Variants in PRSS55 observed in about 807,000 individuals in gnomAD.
The protein encoded by PRSS55 is probable serine protease UNQ9391/PRO34284.
PRSS55 carries 41 observed loss-of-function variants against 23.6 expected under a neutral mutation model. The observed-to-expected ratio is 1.74, with a 90% CI of 1.35 to 2.26. PRSS55 has a LOEUF of 2.26. Among genes scored for constraint, PRSS55 ranks in the 30% most tolerant of loss-of-function variants. The probability of loss-of-function intolerance (pLI) is 0.00; values close to 1 mark genes in which losing one functional copy is unlikely to be tolerated. For missense variants in PRSS55, 669 were observed against 439.1 expected (o/e 1.52, Z -4.68); for synonymous variants, 262 against 175.5 (o/e 1.49, Z -3.90).
chr8:10,529,779 G>A, intron 2 of PRSS55, 80 bp downstream of exon 2: 1 of 1,397,172 alleles, frequency 7.2e-7, no homozygotes, highest in East Asian at 2.3e-5. Context: ...ACACCTGGTG[G>A]CTGAGAGGAA....
downstream of PRSS55, among the ~76,000 whole-genome samples, chr8:10,543,295 G>A (rs1296370833): frequency 4.6e-5 from 7 of 152,108 alleles, no homozygotes; most frequent in South Asian, 4.1e-4. Flanking sequence ...GGCCCCATGC[G>A]GAAGTGACTG....
chr8:10,541,795 G>A (rs924151444), downstream of PRSS55, among the ~76,000 whole-genome samples: 2 of 152,126 alleles, frequency 1.3e-5, no homozygotes, highest in Non-Finnish European at 2.9e-5. Context: ...GCCTCACTCT[G>A]TCGCCCAGGC....
At chr8:10,537,619 GAA>G (rs1240543661) in intron 4 of PRSS55, among the ~76,000 whole-genome samples, 8 of 152,152 alleles carry the variant, frequency 5.3e-5, no homozygotes, top group Non-Finnish European at 8.8e-5. Context: ...TTAATACAAA[GAA>G]ATGATAAACG....
chr8:10,532,916 C>G lies in PRSS55; in HGVS notation c.609C>G (p.Asn203Lys), dbSNP rs1313573572. The change falls in exon 4 of 5, where the codon AAC (asparagine) becomes AAG (lysine). Residue 203 changes from asparagine (N) to lysine (K), a missense_variant. By Grantham distance (94) the Asn-to-Lys change is moderately conservative. Transcript: ENST00000328655. Reference sequence around the variant, plus strand: ...TTCTCTCTGGGCCAGCTGACAAAAACTCTGTGAAAACGGATCTGATGAAAG... The same window carrying G: ...TTCTCTCTGGGCCAGCTGACAAAAAGTCTGTGAAAACGGATCTGATGAAAG... Reference protein sequence around the residue: ...GWGQTNAADKNSVKTDLMKAP... With the variant: ...GWGQTNAADKKSVKTDLMKAP... The G allele has an allele frequency of 1.9e-6, 3 of 1,614,064 alleles. No individual in the cohort carries two copies. Among genetic ancestry groups the G allele is most frequent in the Non-Finnish European group, 2.5e-6 (3 of 1,180,026 alleles).
chr8:10,550,587 C>T (rs1812930036), intron 4 of PRSS55, among the ~76,000 whole-genome samples: 1 of 152,174 alleles, frequency 6.6e-6, no homozygotes, highest in South Asian at 2.1e-4. Flanking sequence ...GCACAGGGAC[C>T]CAATCTCTGC....
chr8:10,529,355 T>C, intron 1 of PRSS55, 152 bp from the exon 2 acceptor site: 1 of 746,068 alleles, frequency 1.3e-6, no homozygotes, highest in Non-Finnish European at 2.4e-6. Flanking sequence ...TCACAAGGGC[T>C]GCCCCGCTCG....
chr8:10,526,482 T>C (rs1812027821), intron 1 of PRSS55, among the ~76,000 whole-genome samples: 1 of 152,226 alleles, frequency 6.6e-6, no homozygotes, highest in Admixed American at 6.5e-5. Context: ...TAGGGTCCAC[T>C]GCACTCTGTG....
At chr8:10,527,670 G>T (rs1812081288) in intron 1 of PRSS55, among the ~76,000 whole-genome samples, 1 of 152,248 alleles carries the variant, frequency 6.6e-6, no homozygotes, top group South Asian at 2.1e-4. Flanking sequence ...CACCAGCTCT[G>T]TTGCCAGCCG....
At chr8:10,533,884 T>C (rs1039225512) in intron 4 of PRSS55, among the ~76,000 whole-genome samples, 3 of 152,202 alleles carry the variant, frequency 2.0e-5, no homozygotes, top group African/African-American at 7.2e-5. Context: ...TATGGTTTAA[T>C]GTGAGAAAAT....
At chr8:10,544,505 T>C (rs79902113) in intron 4 of PRSS55, among the ~76,000 whole-genome samples, 10,297 of 152,294 alleles carry the variant, frequency 0.068, 401 homozygotes, top group Middle Eastern at 0.12. Flanking sequence ...TCCACTCACA[T>C]TTAATGTGAT....
At chr8:10,529,950 G>A (rs1466224692) in intron 2 of PRSS55, among the ~76,000 whole-genome samples, 2 of 152,120 alleles carry the variant, frequency 1.3e-5, no homozygotes, top group East Asian at 1.9e-4. Context: ...ACCCTCTCCC[G>A]GAACACCTGT....
chr8:10,539,434 G>A (rs562390881), downstream of PRSS55, among the ~76,000 whole-genome samples: 22 of 152,356 alleles, frequency 1.4e-4, no homozygotes, highest in East Asian at 3.7e-3. Flanking sequence ...AACGAACGAT[G>A]TGCTTATGCT....
Position 10,538,532 on chromosome 8 carries a change from G to A in PRSS55, c.798G>A (p.Gln266=), listed in dbSNP as rs759849898. The A allele has an allele frequency of 1.9e-6, 3 of 1,614,190 alleles. No homozygotes were observed. The highest frequency in any genetic ancestry group is 1.3e-5 in the African/African-American group (1 of 75,058). The change falls in exon 5 of 5, where the codon CAG becomes CAA. Residue 266 remains glutamine (Q), a synonymous_variant. Transcript: ENST00000328655. The part of the protein sequence containing the change: ...CTPEPGEKWY[Q]VGIISWGKSC... ...CAGAGCCTGGTGAGAAGTGGTACCAGGTGGGCATCATAAGCTGGGGAAAGA... is the reference window on the plus strand; with the variant it reads ...CAGAGCCTGGTGAGAAGTGGTACCAAGTGGGCATCATAAGCTGGGGAAAGA...
Position 10,529,607 on chromosome 8 carries a change from T to G in PRSS55, c.255T>G (p.Ile85Met). 2.5e-6 allele frequency: 4 copies of G among 1,614,094 alleles called. No individual in the cohort carries two copies. The highest frequency in any genetic ancestry group is 1.7e-4 in the Middle Eastern group (1 of 6,060). The change falls in exon 2 of 5, where the codon ATT becomes ATG. Residue 85 changes from isoleucine to methionine, a missense_variant. By Grantham distance (10) the Ile-to-Met change is conservative. Transcript: ENST00000328655. ...EVGEFPWQVS[I>M]QARSEPFCGG... ...GTGAGTTTCCGTGGCAGGTGAGTAT[T>G]CAGGCAAGAAGTGAACCTTTCTGTG...
intron 4 of PRSS55, among the ~76,000 whole-genome samples, chr8:10,534,464 T>C (rs758473121): frequency 1.8e-4 from 28 of 152,318 alleles, no homozygotes; most frequent in Non-Finnish European, 1.8e-4. Flanking sequence ...TGAAGACTGC[T>C]TGCAAGGTTG....
Position 10,525,626 on chromosome 8 carries a change from C to A in PRSS55, c.41C>A (p.Thr14Lys), listed in dbSNP as rs201824405. The stretch of plus-strand genomic sequence containing the variant: ...GTGTTGCTGCTCCTGTCCCTGGTCA[C>A]GGGAACTCAGCTCGGTCCACGGACT... ...FSVLLLLSLV[T>K]GTQLGPRTPL... Residue 14 changes from threonine to lysine, a missense_variant, in exon 1 of 5, where the codon ACG becomes AAG. By Grantham distance (78) the Thr-to-Lys change is moderately conservative. Coordinates refer to ENST00000328655, the MANE Select transcript of PRSS55 (RefSeq NM_198464.4). 1.2e-6 allele frequency: 2 copies of A among 1,614,158 alleles called. No individual in the cohort carries two copies. Among genetic ancestry groups the A allele is most frequent in the Non-Finnish European group, 1.7e-6 (2 of 1,180,020 alleles).
In PRSS55 at chr8:10,538,481, C is replaced by G. The variant is rs1176621315; in HGVS notation, c.747C>G (p.Asp249Glu). The change falls in exon 5 of 5, where the codon GAC becomes GAG. Residue 249 changes from aspartate (D) to glutamate (E), a missense_variant. Transcript: ENST00000328655. ...GCTGTGTTCTCTGCCCACAGGGTGA[C>G]AGTGGGGGGCCTCTGGTCTGCACCC... Reference protein sequence around the residue: ...KNESYDACKGDSGGPLVCTPE... With the variant: ...KNESYDACKGESGGPLVCTPE... The G allele has an allele frequency of 2.5e-6, 4 of 1,611,650 alleles. No homozygotes were observed. The highest frequency in any genetic ancestry group is 1.7e-5 in the Admixed American group (1 of 59,880).
intron 3 of PRSS55, chr8:10,531,777 G>A: frequency 3.5e-6 from 2 of 572,132 alleles, no homozygotes; most frequent in Non-Finnish European, 6.2e-6. Context: ...GAGCAGTGTG[G>A]TTTGTGTGTT....
At chr8:10,553,263 G>GT (rs1306132289) in intron 4 of PRSS55, among the ~76,000 whole-genome samples, 5 of 152,142 alleles carry the variant, frequency 3.3e-5, no homozygotes. Flanking sequence ...TGCCATGATC[G>GT]TAAGTTTCCT....
Sources: gnomAD v4.1 joint callset for allele counts (sites outside exome capture counted in the v4.1 genomes callset) on GRCh38, gnomAD v4.1.1 for gene constraint, MANE v1.5 for transcripts, NCBI Gene and HGNC (gene_info 2026-07-23, HGNC 2026-07-21) for gene names.